The following PLPBP variants were observed in gnomAD, a reference collection of about 807,000 sequenced individuals.
PLPBP encodes the protein pyridoxal phosphate homeostasis protein.
PLPBP carries 21 observed loss-of-function variants against 31.2 expected under a neutral mutation model. The observed-to-expected ratio is 0.67, with a 90% confidence interval of 0.48 to 0.97. PLPBP has a LOEUF of 0.97. Among genes scored for constraint, PLPBP ranks in the 50% least tolerant of loss-of-function variants. The pLI is 0.00. For missense variants in PLPBP, 308 were observed against 354.4 expected (o/e 0.87, Z 1.05); for synonymous variants, 124 against 135.6 (o/e 0.91, Z 0.59).
chr8:37,765,160 A>G (rs147600199), intron 1 of PLPBP, among the ~76,000 whole-genome samples: 11 of 152,270 alleles, frequency 7.2e-5, no homozygotes, highest in African/African-American at 2.6e-4. Flanking sequence ...CCTGGGCAAC[A>G]AGAGTGAAAC....
chr8:37,769,047 C>A (rs1330840161), intron 4 of PLPBP, among the ~76,000 whole-genome samples: 3 of 151,944 alleles, frequency 2.0e-5, no homozygotes, highest in East Asian at 1.9e-4. Flanking sequence ...ATAAAAAAAA[C>A]AACTAGGCCA....
chr8:37,765,563 G>A lies in PLPBP; in HGVS notation c.137G>A (p.Ser46Asn), dbSNP rs372469431. The change falls in exon 2 of 8, where the codon AGC becomes AAC. Residue 46 changes from serine (S) to asparagine (N), a missense_variant. By Grantham distance (46) the Ser-to-Asn change is conservative. Transcript: ENST00000328195. ...ATCCAGCCCCGGCTAGTGGCGGTCAGCAAAACCAAACCTGCAGACATGGTG... is the reference window on the plus strand; with the variant it reads ...ATCCAGCCCCGGCTAGTGGCGGTCAACAAAACCAAACCTGCAGACATGGTG... The part of the protein sequence containing the change: ...PAIQPRLVAV[S>N]KTKPADMVIE... The A allele has an allele frequency of 1.2e-6, 2 of 1,613,906 alleles. No individual in the cohort carries two copies. The highest frequency in any genetic ancestry group is 1.3e-5 in the African/African-American group (1 of 74,930).
intron 3 of PLPBP, 104 bp from the exon 4 acceptor site, chr8:37,766,176 G>T: frequency 1.2e-6 from 1 of 807,614 alleles, no homozygotes; most frequent in Admixed American, 2.5e-5. Flanking sequence ...TACATTTAAG[G>T]AACAGAGAGT....
upstream of PLPBP, chr8:37,762,556 T>C (rs1259264091): frequency 1.4e-6 from 2 of 1,479,664 alleles, no homozygotes; most frequent in Admixed American, 4.4e-5. Flanking sequence ...GACGACTCAA[T>C]GATGAGCAAT....
At chr8:37,767,655 G>A (rs944727785) in intron 4 of PLPBP, among the ~76,000 whole-genome samples, 2 of 152,042 alleles carry the variant, frequency 1.3e-5, no homozygotes, top group South Asian at 2.1e-4. Flanking sequence ...ATTTGTGTAC[G>A]AGCCTTTGTA....
intron 4 of PLPBP, 162 bp downstream of exon 4, chr8:37,766,517 A>G (rs1464366787): frequency 7.7e-7 from 1 of 1,298,848 alleles, no homozygotes; most frequent in African/African-American, 1.5e-5. Context: ...AGAAAACATC[A>G]TGCCAAGAAC....
At position 37,778,036 on chromosome 8, in the gene PLPBP, A is replaced by G. The variant is rs1277728099; in HGVS notation, c.760A>G (p.Lys254Glu). The G allele has an allele frequency of 6.2e-7, 1 of 1,613,884 alleles. No homozygotes were observed. Among genetic ancestry groups the G allele is most frequent in the Non-Finnish European group, 8.5e-7 (1 of 1,179,786 alleles). ...GATTTTTGGAGAGCGGGATTACTCA[A>G]AGAAACCCACCCCGGACAAGTGCGC... ...STIFGERDYSKKPTPDKCAAD... is the reference protein window; with the variant it reads ...STIFGERDYSEKPTPDKCAAD... Residue 254 changes from lysine (K) to glutamate (E), a missense_variant, in exon 8 of 8, where the codon AAG (lysine) becomes GAG (glutamate). Transcript: ENST00000328195.
At chr8:37,765,894 T>C in intron 3 of PLPBP, 148 bp downstream of exon 3, 1 of 856,732 alleles carries the variant, frequency 1.2e-6, no homozygotes. Flanking sequence ...GCTTCCTCCT[T>C]GAGCCCCAAG....
chr8:37,777,561 GCT>G (rs1241173960), intron 7 of PLPBP, among the ~76,000 whole-genome samples: 1 of 151,906 alleles, frequency 6.6e-6, no homozygotes, highest in Non-Finnish European at 1.5e-5. Flanking sequence ...TTCATAGAAG[GCT>G]CTGTTTTTGT....
rs1027118224 is a variant in PLPBP, at chr8:37,779,381, T to C, written c.*1277T>C. On this transcript the variant is annotated 3_prime_UTR_variant, in exon 8 of 8. Coordinates refer to ENST00000328195, the MANE Select transcript of PLPBP (RefSeq NM_007198.4). ...ACATTCCTTGTCCTGAGGAGCACTT[T>C]CCAGGCATAGTTACAGCTTCCCCAC... 6.6e-6 allele frequency: 1 copy of C among 152,156 alleles called. No individual in the cohort carries two copies. Among genetic ancestry groups the C allele is most frequent in the Non-Finnish European group, 1.5e-5 (1 of 68,014 alleles). The allele number at this position is 152,156 out of a possible 1,614,324, so 9.4% of individuals were successfully genotyped here. A position where few individuals can be genotyped will look rare whatever the true frequency, so the allele number is the denominator to read the frequency against.
intron 7 of PLPBP, among the ~76,000 whole-genome samples, chr8:37,776,478 C>CAAAAAAAAAAAAAAAAAAAAAAAAACAA (rs1803915352): frequency 9.4e-5 from 1 of 10,640 alleles, no homozygotes; most frequent in African/African-American, 3.8e-4. Flanking sequence ...GACTCCATCT[C>CAAAAAAAAAAAAAAAAAAAAAAAAACAA]AAAAAAAAAA....
chr8:37,763,925 C>CTGTT (rs1301584466), intron 1 of PLPBP, among the ~76,000 whole-genome samples: 1 of 152,206 alleles, frequency 6.6e-6, no homozygotes, highest in Non-Finnish European at 1.5e-5. Flanking sequence ...TCTTCTCTTA[C>CTGTT]TGTTTCTATG....
At position 37,768,951 on chromosome 8, in the gene PLPBP, A is replaced by G. The variant is rs1803706590; in HGVS notation, c.319+2596A>G. 2.0e-5 allele frequency among the ~76,000 whole-genome samples: 3 copies of G among 152,210 alleles called. 1 individual carries two copies. Among genetic ancestry groups the G allele is most frequent in the Admixed American group, 2.0e-4 (3 of 15,282 alleles). ...GATTAAATAATCTAACTTGAAAATA[A>G]AAGCTATAAAAGTATTAGAATAAAA... On this transcript the variant is annotated intron_variant, in intron 4 of 7. Transcript: ENST00000328195.
At chr8:37,768,465 CTTT>C (rs903134254) in intron 4 of PLPBP, among the ~76,000 whole-genome samples, 123 of 76,800 alleles carry the variant, frequency 1.6e-3, no homozygotes, top group African/African-American at 6.3e-3. Context: ...TTTTGATTTT[CTTT>C]TTTTTTTTTT....
intron 5 of PLPBP, among the ~76,000 whole-genome samples, chr8:37,774,238 T>C (rs1411521852): frequency 6.6e-6 from 1 of 152,080 alleles, no homozygotes; most frequent in African/African-American, 2.4e-5. Flanking sequence ...TAAAAAATTA[T>C]GGTGAGCACC....
intron 4 of PLPBP, 132 bp downstream of exon 4, chr8:37,766,487 T>G: frequency 2.3e-6 from 3 of 1,332,128 alleles, no homozygotes; most frequent in Non-Finnish European, 2.9e-6. Context: ...TTTAGGAAAG[T>G]CTGAGTTCTT....
At chr8:37,766,648 A>C in intron 4 of PLPBP, 1 of 1,016,880 alleles carries the variant, frequency 9.8e-7, no homozygotes, top group South Asian at 4.3e-5. Context: ...AATTTTTTTA[A>C]CTAGCAAAAG....
At chr8:37,776,775 T>G (rs191328692) in intron 7 of PLPBP, among the ~76,000 whole-genome samples, 1 of 150,764 alleles carries the variant, frequency 6.6e-6, no homozygotes, top group African/African-American at 2.4e-5. Context: ...TGTTTGTTTG[T>G]TTTTTTTTGG....
chr8:37,773,099 A>T (rs1212853800), intron 5 of PLPBP, among the ~76,000 whole-genome samples: 15 of 152,230 alleles, frequency 9.9e-5, no homozygotes, highest in Non-Finnish European at 4.4e-5. Flanking sequence ...ATCATGGTTC[A>T]TTATATCTTA....
Sources: allele counts gnomAD v4.1 joint callset (sites outside exome capture counted in the v4.1 genomes callset), GRCh38; gene constraint gnomAD v4.1.1; transcripts MANE v1.5; gene names NCBI Gene and HGNC (gene_info 2026-07-23, HGNC 2026-07-21).